The following SEMA3D variants were observed in gnomAD, a reference collection of about 807,000 sequenced individuals.
The protein encoded by SEMA3D is semaphorin-3D.
In SEMA3D, 84 loss-of-function variants were observed where a neutral mutation model predicts 100.1. The observed-to-expected ratio is 0.84, with a 90% CI of 0.70 to 1.01. The LOEUF (loss-of-function observed/expected upper bound fraction) is 1.01, where lower values mean the gene tolerates loss of function less well. Among genes scored for constraint, SEMA3D ranks in the 50% least tolerant of loss-of-function variants. SEMA3D has a pLI of 0.00. For missense variants in SEMA3D, 875 were observed against 934.1 expected (o/e 0.94, Z 0.82); for synonymous variants, 312 against 320.7 (o/e 0.97, Z 0.29).
upstream of SEMA3D, among the ~76,000 whole-genome samples, chr7:85,191,285 A>G (rs977180375): frequency 1.3e-5 from 2 of 152,174 alleles, no homozygotes; most frequent in African/African-American, 4.8e-5. Context: ...TAATTTAGTC[A>G]GATAAATGGC....
At chr7:85,144,610 T>C in intron 2 of SEMA3D, 1 of 984,362 alleles carries the variant, frequency 1.0e-6, no homozygotes, top group Non-Finnish European at 1.2e-6. Flanking sequence ...TAAGAATTTA[T>C]ACACATATAT....
chr7:85,185,826 C>T (rs778880418), intron 1 of SEMA3D, among the ~76,000 whole-genome samples: 3 of 152,196 alleles, frequency 2.0e-5, no homozygotes, highest in Non-Finnish European at 2.9e-5. Context: ...ACTCCAGGCT[C>T]GTTGGGCAGA....
chr7:85,218,688 T>A, the SEMA3D span, among the ~76,000 whole-genome samples: 1 of 152,138 alleles, frequency 6.6e-6, no homozygotes, highest in South Asian at 2.1e-4. Context: ...GAAAAATTAA[T>A]ACATACAAAT....
intron 1 of SEMA3D, among the ~76,000 whole-genome samples, chr7:85,176,723 G>A (rs1309468050): frequency 6.6e-6 from 1 of 151,778 alleles, no homozygotes; most frequent in African/African-American, 2.4e-5. Flanking sequence ...ACATAAGGAA[G>A]AGAAGGAATA....
chr7:85,209,540 G>C, the SEMA3D span, among the ~76,000 whole-genome samples: 1 of 151,954 alleles, frequency 6.6e-6, no homozygotes, highest in African/African-American at 2.4e-5. Flanking sequence ...CTCACTAATC[G>C]ATTACTTAAA....
chr7:85,215,632 T>C, the SEMA3D span, among the ~76,000 whole-genome samples: 11 of 152,074 alleles, frequency 7.2e-5, no homozygotes, highest in East Asian at 1.9e-3. Flanking sequence ...TAAGTTTTTG[T>C]TTCTGCGGAT....
chr7:85,137,360 G>T (rs1425751720), intron 2 of SEMA3D, among the ~76,000 whole-genome samples: 1 of 151,480 alleles, frequency 6.6e-6, no homozygotes, highest in African/African-American at 2.4e-5. Flanking sequence ...ACATATATAT[G>T]GTACATACAT....
At chr7:85,231,171 T>C in the SEMA3D span, among the ~76,000 whole-genome samples, 1 of 152,290 alleles carries the variant, frequency 6.6e-6, no homozygotes, top group Non-Finnish European at 1.5e-5. Context: ...AGTGCCAGGA[T>C]TCTATCTTTG....
At chr7:85,179,387 G>C (rs1430790723) in intron 1 of SEMA3D, among the ~76,000 whole-genome samples, 1 of 152,196 alleles carries the variant, frequency 6.6e-6, no homozygotes, top group African/African-American at 2.4e-5. Context: ...CAGGCTTTGA[G>C]AGCACACCTC....
intron 4 of SEMA3D, among the ~76,000 whole-genome samples, chr7:85,087,997 T>A (rs1053293074): frequency 5.9e-5 from 9 of 152,168 alleles, no homozygotes; most frequent in Non-Finnish European, 1.2e-4. Flanking sequence ...AATACTTTTT[T>A]ATGTAAATAT....
Position 85,121,909 on chromosome 7 carries a change from C to A in SEMA3D, c.-18G>T. ...GCATTCATGATGAAAACAATGTTCT[C>A]TTTCAAATGGTGTTAATTTAATCTA... On this transcript the variant is annotated 5_prime_UTR_variant, in exon 3 of 19. Transcript: ENST00000284136. 6.6e-7 allele frequency: 1 copy of A among 1,506,398 alleles called. No individual in the cohort carries two copies. The highest frequency in any genetic ancestry group is 9.0e-7 in the Non-Finnish European group (1 of 1,109,166). The allele number at this position is 1,506,398 out of a possible 1,614,324, so 93.3% of individuals were successfully genotyped here.
At chr7:85,099,569 T>C (rs1181525988) in intron 3 of SEMA3D, among the ~76,000 whole-genome samples, 1 of 151,902 alleles carries the variant, frequency 6.6e-6, no homozygotes, top group African/African-American at 2.4e-5. Flanking sequence ...AGCATGACTG[T>C]TGGGTCTTCT....
chr7:85,030,749 A>T (rs911414905), intron 12 of SEMA3D, among the ~76,000 whole-genome samples: 5 of 152,064 alleles, frequency 3.3e-5, no homozygotes, highest in Non-Finnish European at 5.9e-5. Context: ...ATAAAAAACC[A>T]ACTATCAAGT....
In SEMA3D at chr7:85,071,428, C is replaced by T. The variant is rs116960711; in HGVS notation, c.495+1534G>A. Among the ~76,000 whole-genome samples, 822 of 152,250 alleles carry T rather than the reference C, an allele frequency of 5.4e-3. 36 individuals carry two copies. The highest frequency in any genetic ancestry group is 0.049 in the Admixed American group (753 of 15,280). ...TGATCTCTGTGTGAATCAGCTAAGT[C>T]AATGTAAAGAAACCTTTTCCATAAG... On this transcript the variant is annotated intron_variant, in intron 6 of 18. Transcript: ENST00000284136.
chr7:85,014,968 C>A, intron 16 of SEMA3D, 91 bp downstream of exon 16: 7 of 897,790 alleles, frequency 7.8e-6, no homozygotes. Flanking sequence ...AATATATTTT[C>A]TCTTTAACTT....
At chr7:85,161,612 G>A (rs1368345231) in intron 1 of SEMA3D, among the ~76,000 whole-genome samples, 1 of 152,022 alleles carries the variant, frequency 6.6e-6, no homozygotes, top group Non-Finnish European at 1.5e-5. Context: ...TACCATTCAC[G>A]TAGGAGTGAG....
chr7:85,055,687 T>TTCA, intron 9 of SEMA3D, 30 bp downstream of exon 9: 1 of 476,774 alleles, frequency 2.1e-6, no homozygotes, highest in South Asian at 4.2e-5. Flanking sequence ...TATATATATG[T>TTCA]TTTAAGTAAA....
intron 8 of SEMA3D, among the ~76,000 whole-genome samples, chr7:85,057,918 C>G (rs1791367469): frequency 6.6e-6 from 1 of 152,110 alleles, no homozygotes; most frequent in Non-Finnish European, 1.5e-5. Context: ...GCGACAGAGA[C>G]AGACTCCGTC....
chr7:85,066,919 G>C (rs868130878), intron 7 of SEMA3D, among the ~76,000 whole-genome samples: 4,472 of 114,428 alleles, frequency 0.039, 241 homozygotes, highest in African/African-American at 0.2. Context: ...CACACAGAGA[G>C]AGAGAGAGAG....
Sources: allele counts gnomAD v4.1 joint callset (sites outside exome capture counted in the v4.1 genomes callset), GRCh38; gene constraint gnomAD v4.1.1; transcripts MANE v1.5; gene names NCBI Gene and HGNC (gene_info 2026-07-23, HGNC 2026-07-21).